The following SAMMSON variants were observed in gnomAD, a reference collection of about 807,000 sequenced individuals.
The protein encoded by SAMMSON is survival associated mitochondrial melanoma specific oncogenic non-coding RNA, also known as long intergenic non-protein coding RNA 1212.
chr3:70,104,482 C>T (rs547735695), intron 4 of SAMMSON, among the ~76,000 whole-genome samples: 86 of 151,948 alleles, frequency 5.7e-4, no homozygotes, highest in African/African-American at 2.0e-3. Flanking sequence ...AAGTAAAAGC[C>T]CTAGGTAATA....
chr3:70,290,668 G>A (rs984264075), intron 6 of SAMMSON, among the ~76,000 whole-genome samples: 7 of 152,134 alleles, frequency 4.6e-5, no homozygotes, highest in Non-Finnish European at 5.9e-5. Flanking sequence ...CCTCGCTGCC[G>A]CCTTGCAGTT....
intron 6 of SAMMSON, among the ~76,000 whole-genome samples, chr3:70,277,811 G>A (rs1447241917): frequency 3.9e-5 from 6 of 152,032 alleles, no homozygotes; most frequent in African/African-American, 1.2e-4. Flanking sequence ...TATACAAATG[G>A]TTGTTGAGAT....
intron 7 of SAMMSON, among the ~76,000 whole-genome samples, chr3:70,299,317 G>T (rs996929754): frequency 2.1e-5 from 3 of 144,070 alleles, no homozygotes; most frequent in South Asian, 2.3e-4. Flanking sequence ...TTATAAATTT[G>T]TGCGTTATTT....
chr3:70,050,477 T>C (rs2067141963), intron 3 of SAMMSON, among the ~76,000 whole-genome samples: 1 of 152,080 alleles, frequency 6.6e-6, no homozygotes, highest in Non-Finnish European at 1.5e-5. Context: ...TCTTTGTGAG[T>C]GTTTGCTGAG....
At chr3:70,067,217 A>G (rs2067212925) in intron 3 of SAMMSON, among the ~76,000 whole-genome samples, 2 of 152,094 alleles carry the variant, frequency 1.3e-5, no homozygotes, top group African/African-American at 2.4e-5. Context: ...CCATTTTAAA[A>G]GAAGAAAAAG....
At chr3:70,256,540 CTT>C (rs1701818095) in intron 6 of SAMMSON, among the ~76,000 whole-genome samples, 1 of 152,116 alleles carries the variant, frequency 6.6e-6, no homozygotes, top group African/African-American at 2.4e-5. Context: ...ACCCTAGTGA[CTT>C]TAAAGAAATT....
intron 6 of SAMMSON, among the ~76,000 whole-genome samples, chr3:70,281,980 A>G (rs967291363): frequency 5.9e-5 from 9 of 152,172 alleles, no homozygotes; most frequent in Non-Finnish European, 1.0e-4. Flanking sequence ...CTGGCTTAGG[A>G]TGGAAGTCCA....
At chr3:70,099,938 C>G (rs902002908) in intron 4 of SAMMSON, among the ~76,000 whole-genome samples, 4 of 152,156 alleles carry the variant, frequency 2.6e-5, no homozygotes, top group African/African-American at 9.7e-5. Context: ...AAGTAACTGT[C>G]CTGAGGAAGA....
rs371977356 is a variant in SAMMSON, at chr3:70,425,560, C to T, written n.234-37000C>T. On this transcript the variant is annotated intron_variant and non_coding_transcript_variant, in intron 2 of 3. Coordinates refer to the SAMMSON transcript ENST00000641053. ...CCTAGTAGCTGGGACTACAGGTGCC[C>T]GCCACCACGCCCAGCTATTTTTTTT... Among the ~76,000 whole-genome samples, 345 of 147,216 alleles carry T rather than the reference C, an allele frequency of 2.3e-3. 2 individuals are homozygous for T. In the East Asian group the frequency reaches 0.03, roughly 13 times the overall value.
At chr3:70,388,625 A>T (rs944448838) in intron 9 of SAMMSON, among the ~76,000 whole-genome samples, 2 of 152,100 alleles carry the variant, frequency 1.3e-5, no homozygotes, top group African/African-American at 4.8e-5. Flanking sequence ...CCTTTGCTAT[A>T]TGAATGAAAG....
chr3:70,235,043 A>T (rs1559541430), intron 4 of SAMMSON, among the ~76,000 whole-genome samples: 1 of 152,172 alleles, frequency 6.6e-6, no homozygotes, highest in Non-Finnish European at 1.5e-5. Flanking sequence ...AAGAGATTTT[A>T]TCAGTACGGT....
chr3:70,200,233 A>C (rs550957849), intron 4 of SAMMSON, among the ~76,000 whole-genome samples: 3 of 152,288 alleles, frequency 2.0e-5, no homozygotes, highest in South Asian at 4.1e-4. Flanking sequence ...CTGCTTCCAC[A>C]TGAGCCCGCT....
downstream of SAMMSON, among the ~76,000 whole-genome samples, chr3:70,392,914 G>A (rs1701061749): frequency 6.6e-6 from 1 of 152,098 alleles, no homozygotes; most frequent in Non-Finnish European, 1.5e-5. Flanking sequence ...AGGGGTGGCA[G>A]AGAAAAAGAA....
At chr3:70,415,792 C>G (rs62255193) in intron 2 of SAMMSON, among the ~76,000 whole-genome samples, 351 of 152,192 alleles carry the variant, frequency 2.3e-3, no homozygotes, top group South Asian at 8.7e-3. Context: ...AGCTAATTAC[C>G]AAATGTTCTG....
At chr3:70,235,207 T>C (rs1452807300) in intron 4 of SAMMSON, among the ~76,000 whole-genome samples, 16 of 152,188 alleles carry the variant, frequency 1.1e-4, no homozygotes, top group Admixed American at 1.0e-3. Flanking sequence ...AAAAGATGTG[T>C]CTTCATCAAC....
intron 1 of SAMMSON, among the ~76,000 whole-genome samples, chr3:70,004,963 G>T (rs1327436463): frequency 6.6e-6 from 1 of 152,136 alleles, no homozygotes; most frequent in Non-Finnish European, 1.5e-5. Context: ...CCCAAAGGGG[G>T]AACTGCTTTA....
chr3:70,136,810 T>C (rs2067507538), intron 4 of SAMMSON, among the ~76,000 whole-genome samples: 1 of 144,116 alleles, frequency 6.9e-6, no homozygotes, highest in Admixed American at 7.2e-5. Flanking sequence ...GGCAACAATA[T>C]CTTTAACTTA....
chr3:70,414,441 G>A (rs1299794271), intron 2 of SAMMSON, among the ~76,000 whole-genome samples: 5 of 152,076 alleles, frequency 3.3e-5, no homozygotes, highest in Middle Eastern at 3.4e-3. Flanking sequence ...TTACAGTATC[G>A]CAATAAAAGG....
At chr3:70,282,646 T>A (rs1702100184) in intron 6 of SAMMSON, among the ~76,000 whole-genome samples, 1 of 152,216 alleles carries the variant, frequency 6.6e-6, no homozygotes. Flanking sequence ...GTTCTTGCCC[T>A]CATTTCATTC....
Sources: allele counts gnomAD v4.1 joint callset (sites outside exome capture counted in the v4.1 genomes callset), GRCh38; gene constraint gnomAD v4.1.1; transcripts MANE v1.5; gene names NCBI Gene and HGNC (gene_info 2026-07-23, HGNC 2026-07-21).